NELL1: variants seen among roughly 807,000 people sequenced by gnomAD.
NELL1 encodes neural EGFL like 1.
Under a neutral mutation model 107.4 loss-of-function variants are expected in NELL1, and 76 were observed. That is an observed-to-expected ratio of 0.71 (90% confidence interval 0.59 to 0.86). The LOEUF is 0.86. NELL1 is among the 40% of genes least tolerant of loss of function. NELL1 has a pLI of 0.00. For missense variants in NELL1, 1,024 were observed against 1,005.5 expected (o/e 1.02, Z -0.25); for synonymous variants, 353 against 341.2 (o/e 1.03, Z -0.38).
chr11:21,232,398 A>G (rs1490752974), intron 14 of NELL1, among the ~76,000 whole-genome samples: 2 of 151,788 alleles, frequency 1.3e-5, no homozygotes, highest in African/African-American at 4.8e-5. Context: ...GCATAGAATC[A>G]CTAACGGAAT....
At chr11:21,547,993 C>T (rs1856485112) in intron 16 of NELL1, among the ~76,000 whole-genome samples, 1 of 151,816 alleles carries the variant, frequency 6.6e-6, no homozygotes, top group East Asian at 2.0e-4. Flanking sequence ...AATATACAAT[C>T]ATGGCGCAAC....
chr11:21,090,632 G>T (rs1343149622), intron 12 of NELL1, among the ~76,000 whole-genome samples: 1 of 152,092 alleles, frequency 6.6e-6, no homozygotes, highest in Non-Finnish European at 1.5e-5. Context: ...ATGCAGAGAG[G>T]TCTGCTTAAA....
intron 17 of NELL1, 130 bp downstream of exon 17, chr11:21,560,512 A>T: frequency 1.3e-6 from 1 of 749,498 alleles, no homozygotes; most frequent in Non-Finnish European, 2.1e-6. Context: ...GTTCTTATCT[A>T]CATTACAGCT....
At chr11:21,548,565 T>G (rs1013830820) in intron 16 of NELL1, among the ~76,000 whole-genome samples, 1 of 151,860 alleles carries the variant, frequency 6.6e-6, no homozygotes, top group Non-Finnish European at 1.5e-5. Flanking sequence ...TTCACTACCA[T>G]GAGAACAGTC....
chr11:21,185,452 AC>A, intron 13 of NELL1, among the ~76,000 whole-genome samples: 1 of 151,420 alleles, frequency 6.6e-6, no homozygotes, highest in East Asian at 1.9e-4. Context: ...CCGCCACCAC[AC>A]CCGGCTAATT....
intron 3 of NELL1, among the ~76,000 whole-genome samples, chr11:20,795,500 A>AT (rs1245107980): frequency 6.6e-6 from 1 of 152,156 alleles, no homozygotes; most frequent in Non-Finnish European, 1.5e-5. Flanking sequence ...TTTAATGTTT[A>AT]TTTTTTCGGA....
intron 17 of NELL1, among the ~76,000 whole-genome samples, chr11:21,563,466 C>A (rs72965277): frequency 6.6e-6 from 1 of 151,794 alleles, no homozygotes; most frequent in South Asian, 2.1e-4. Flanking sequence ...CATAGTCTGC[C>A]CTCTGTATTT....
chr11:21,454,299 A>C (rs370723348), intron 15 of NELL1, among the ~76,000 whole-genome samples: 2 of 149,934 alleles, frequency 1.3e-5, no homozygotes, highest in Non-Finnish European at 3.0e-5. Flanking sequence ...TGGTGTATAT[A>C]TGCCACATTT....
intron 2 of NELL1, among the ~76,000 whole-genome samples, chr11:20,744,062 A>G (rs1427819925): frequency 1.3e-5 from 2 of 152,128 alleles, no homozygotes; most frequent in Admixed American, 1.3e-4. Context: ...ACCTCCAAAA[A>G]TATATCTTCA....
intron 14 of NELL1, among the ~76,000 whole-genome samples, chr11:21,364,094 A>C (rs1851152833): frequency 6.6e-6 from 1 of 152,142 alleles, no homozygotes; most frequent in African/African-American, 2.4e-5. Flanking sequence ...CAACATCTCA[A>C]TTTGAAGATT....
chr11:20,805,652 A>G (rs1051499534), intron 3 of NELL1, among the ~76,000 whole-genome samples: 4 of 152,074 alleles, frequency 2.6e-5, no homozygotes, highest in Non-Finnish European at 4.4e-5. Context: ...ACAGGTGCCC[A>G]CCACCATGCC....
Position 21,573,317 on chromosome 11 carries a change from AG to A in NELL1, c.2291del (p.Arg764LysfsTer66). 6.2e-7 allele frequency: 1 copy of A among 1,612,624 alleles called. No homozygotes were observed. Among genetic ancestry groups the A allele is most frequent in the Non-Finnish European group, 8.5e-7 (1 of 1,179,050 alleles). ...CLADNITYDI[R>X]KTCLDSYGVS... ...AGCTGATAACATCACCTATGACATC[AG>A]AAAAACTTGCCTGGACAGCTATGGT... On this transcript the variant is annotated frameshift_variant, in exon 19 of 20. Coordinates refer to ENST00000357134, the MANE Select transcript of NELL1 (RefSeq NM_006157.5). LOFTEE classifies it high-confidence loss of function.
At chr11:20,676,660 A>G (rs1197320969) in intron 1 of NELL1, among the ~76,000 whole-genome samples, 1 of 152,218 alleles carries the variant, frequency 6.6e-6, no homozygotes, top group Non-Finnish European at 1.5e-5. Context: ...TAACAGGAAA[A>G]GAGTAAGGAA....
At chr11:21,123,285 C>T (rs566323387) in intron 13 of NELL1, among the ~76,000 whole-genome samples, 4 of 151,548 alleles carry the variant, frequency 2.6e-5, no homozygotes, top group African/African-American at 9.7e-5. Context: ...GGATAACTTA[C>T]ATCTAAACAA....
chr11:21,390,761 A>G (rs1454645294), intron 15 of NELL1, among the ~76,000 whole-genome samples: 1 of 151,820 alleles, frequency 6.6e-6, no homozygotes, highest in East Asian at 2.0e-4. Flanking sequence ...TGTTGGGTCA[A>G]CCTCAGATTC....
At chr11:21,080,896 C>G (rs1854251241) in intron 12 of NELL1, among the ~76,000 whole-genome samples, 1 of 151,912 alleles carries the variant, frequency 6.6e-6, no homozygotes, top group Non-Finnish European at 1.5e-5. Context: ...ATTACATACA[C>G]ACACACACAC....
chr11:20,922,689 G>A (rs577399315), intron 7 of NELL1, among the ~76,000 whole-genome samples: 2 of 152,190 alleles, frequency 1.3e-5, no homozygotes, highest in East Asian at 1.9e-4. Flanking sequence ...AAGATGGGTA[G>A]ACAGTCATAT....
rs146648773 is a variant in NELL1, at chr11:20,809,617, A to G, written c.335+25787A>G. Among the ~76,000 whole-genome samples, 1,028 of 152,270 alleles carry G rather than the reference A, an allele frequency of 6.8e-3. 3 individuals are homozygous for G. The highest frequency in any genetic ancestry group is 0.017 in the Middle Eastern group (5 of 294). Reference sequence around the variant, plus strand: ...TTAGATTCTACATGTAAGTGAGATCATGCTGTATTTGTCTCTGTCTACCAG... The same window carrying G: ...TTAGATTCTACATGTAAGTGAGATCGTGCTGTATTTGTCTCTGTCTACCAG... On this transcript the variant is annotated intron_variant, in intron 3 of 19. Coordinates refer to ENST00000357134, the MANE Select transcript of NELL1 (RefSeq NM_006157.5).
At chr11:21,516,228 T>C (rs1855558216) in intron 15 of NELL1, among the ~76,000 whole-genome samples, 1 of 152,176 alleles carries the variant, frequency 6.6e-6, no homozygotes, top group African/African-American at 2.4e-5. Flanking sequence ...GAAAGTAAGT[T>C]GTACTTATCA....
Sources: gnomAD v4.1 joint callset for allele counts (sites outside exome capture counted in the v4.1 genomes callset) on GRCh38, gnomAD v4.1.1 for gene constraint, MANE v1.5 for transcripts, NCBI Gene and HGNC (gene_info 2026-07-23, HGNC 2026-07-21) for gene names.